The following FGD2 variants were observed in gnomAD, a reference collection of about 807,000 sequenced individuals.
FGD2 encodes the protein FYVE, RhoGEF and PH domain containing 2.
Under a neutral mutation model 75.9 loss-of-function variants are expected in FGD2, and 52 were observed. That is an observed-to-expected ratio of 0.69 (90% confidence interval 0.55 to 0.86). FGD2 has a LOEUF of 0.86. FGD2 is among the 40% of genes least tolerant of loss of function. The pLI is 0.00. For missense variants in FGD2, 790 were observed against 872.0 expected (o/e 0.91, Z 1.18); for synonymous variants, 347 against 348.6 (o/e 1.00, Z 0.05).
Position 37,025,874 on chromosome 6 carries a change from A to G in FGD2, c.1541A>G (p.Tyr514Cys), listed in dbSNP as rs751195612. Residue 514 changes from tyrosine to cysteine, a missense_variant, in exon 14 of 16, where the codon TAC becomes TGC. Tyr to Cys is a radical substitution (Grantham distance 194, BLOSUM62 -2). Transcript: ENST00000274963. ...NRPNRVCLHCYAFLTGNVLPE... is the reference protein window; with the variant it reads ...NRPNRVCLHCCAFLTGNVLPE... The stretch of plus-strand genomic sequence containing the variant: ...CCCAACCGAGTCTGCCTCCACTGCT[A>G]CGCATTCCTCACTGGAAATGTGCTG... The G allele has an allele frequency of 2.5e-6, 4 of 1,614,172 alleles. No homozygotes were observed. The highest frequency in any genetic ancestry group is 1.3e-5 in the African/African-American group (1 of 75,062).
intron 15 of FGD2, 66 bp downstream of exon 15, chr6:37,027,641 G>T: frequency 1.9e-6 from 3 of 1,584,994 alleles, no homozygotes; most frequent in Non-Finnish European, 2.6e-6. Flanking sequence ...TGTGAAGGGG[G>T]TCAGGGGTGA....
chr6:37,025,368 C>A (rs896201811), intron 13 of FGD2: 1 of 196,584 alleles, frequency 5.1e-6, no homozygotes, highest in Non-Finnish European at 1.1e-5. Flanking sequence ...AGGACAAAAG[C>A]TGGGCCCTGC....
rs386406733 is a variant in FGD2, at chr6:37,028,615, C to CTTTTTT, written c.*464_*469dup. 8.9e-3 allele frequency: 699 copies of CTTTTTT among 78,942 alleles called. 101 individuals carry two copies. Among genetic ancestry groups the CTTTTTT allele is most frequent in the African/African-American group, 0.015 (268 of 18,104 alleles). The allele number at this position is 78,942 out of a possible 1,614,324, so 4.9% of individuals were successfully genotyped here. On this transcript the variant is annotated 3_prime_UTR_variant, in exon 16 of 16. Coordinates refer to ENST00000274963, the MANE Select transcript of FGD2 (RefSeq NM_173558.4). ...GGCTGAGTTGGGGGAGGCATGGGGT[C>CTTTTTT]TTTTTTTTTTTTTTTTTGAGACAGA...
intron 13 of FGD2, chr6:37,024,705 G>T (rs1238947758): frequency 1.3e-5 from 2 of 152,118 alleles, no homozygotes; most frequent in African/African-American, 2.4e-5. Flanking sequence ...AAAAAAAAAT[G>T]CTCCTGAGGT....
chr6:37,010,175 C>T (rs558619262), intron 2 of FGD2: 1 of 152,266 alleles, frequency 6.6e-6, no homozygotes, highest in South Asian at 2.1e-4. Flanking sequence ...CAGACTTCAA[C>T]ACCAGACATT....
At chr6:37,016,910 C>T (rs1182315266) in intron 9 of FGD2, among the ~76,000 whole-genome samples, 1 of 152,074 alleles carries the variant, frequency 6.6e-6, no homozygotes, top group Non-Finnish European at 1.5e-5. Context: ...TAAAGTCAAA[C>T]AATATAAAAA....
At chr6:37,017,147 T>C (rs1263203523) in intron 9 of FGD2, among the ~76,000 whole-genome samples, 1 of 152,062 alleles carries the variant, frequency 6.6e-6, no homozygotes, top group Non-Finnish European at 1.5e-5. Flanking sequence ...GACTGAGGTG[T>C]CCCTGTACTT....
Position 37,028,578 on chromosome 6 carries a change from C to A in FGD2, c.*415C>A, listed in dbSNP as rs73409488. On this transcript the variant is annotated 3_prime_UTR_variant, in exon 16 of 16. Transcript: ENST00000274963. ...CAATGCCTGTACTGAAGTACCACCA[C>A]CGATTTAAATGGGCTGAGTTGGGGG... The A allele has an allele frequency of 7.4e-3, 1,107 of 149,448 alleles. 21 individuals are homozygous for A. Among genetic ancestry groups the A allele is most frequent in the African/African-American group, 0.027 (1,044 of 39,240 alleles). The allele number at this position is 149,448 out of a possible 1,614,324, so 9.3% of individuals were successfully genotyped here. A position where few individuals can be genotyped will look rare whatever the true frequency, so the allele number is the denominator to read the frequency against.
At chr6:37,008,736 G>A in intron 1 of FGD2, 98 bp from the exon 2 acceptor site, 1 of 1,208,720 alleles carries the variant, frequency 8.3e-7, no homozygotes, top group Non-Finnish European at 1.1e-6. Context: ...CCCTGCACTG[G>A]GGATTTGCAC....
At chr6:37,022,152 G>C (rs1765614441) in intron 12 of FGD2, 87 bp from the exon 13 acceptor site, 1 of 1,488,084 alleles carries the variant, frequency 6.7e-7, no homozygotes, top group Admixed American at 2.5e-5. Context: ...TGCTACAGCA[G>C]GTGGGCACAG....
chr6:37,026,084 CCCACAGACCCCAGGCCTCTCG>C, intron 14 of FGD2, 146 bp downstream of exon 14: 1 of 1,459,082 alleles, frequency 6.9e-7, no homozygotes, highest in Admixed American at 2.3e-5. Context: ...CCTCTCTCTG[CCCACAGACCCCAGGCCTCTCG>C]CCACAGCCCA....
intron 12 of FGD2, 182 bp downstream of exon 12, chr6:37,021,786 G>A (rs1009885538): frequency 4.2e-5 from 25 of 592,080 alleles, no homozygotes; most frequent in Non-Finnish European, 7.1e-5. Context: ...TTCCCCTTTA[G>A]CAAAACTTCC....
In FGD2 at chr6:37,025,812, C is replaced by T. The variant is rs368547974; in HGVS notation, c.1479C>T (p.Ser493=). The change falls in exon 14 of 16, where the codon TCC becomes TCT. Residue 493 remains serine (S), a synonymous_variant. Coordinates refer to ENST00000274963, the MANE Select transcript of FGD2 (RefSeq NM_173558.4). ...ACGYVVCARC[S]DYRAELKYDD... ...CTCAGGTGGTGTGTGCCAGGTGCTC[C>T]GACTACCGGGCCGAACTGAAATACG... 3.7e-6 allele frequency: 6 copies of T among 1,614,188 alleles called. No homozygotes were observed. The South Asian group carries it at 4.4e-5, about 12-fold the overall frequency.
intron 4 of FGD2, among the ~76,000 whole-genome samples, chr6:37,012,394 T>TTATATA (rs1765053568): frequency 6.6e-6 from 1 of 152,118 alleles, no homozygotes; most frequent in South Asian, 2.1e-4. Context: ...CTTAAAACAT[T>TTATATA]TATAATAAAC....
Position 37,014,937 on chromosome 6 carries a change from G to C in FGD2, c.928G>C (p.Glu310Gln). The C allele has an allele frequency of 1.2e-6, 2 of 1,614,114 alleles. No homozygotes were observed. The highest frequency in any genetic ancestry group is 1.1e-5 in the South Asian group (1 of 91,084). Reference sequence around the variant, plus strand: ...GGAGGTGTACCAGCGCCTGGGCCTCGAGGACGACATAGTAGACCCCTCTAA... The same window carrying C: ...GGAGGTGTACCAGCGCCTGGGCCTCCAGGACGACATAGTAGACCCCTCTAA... The part of the protein sequence containing the change: ...LWEVYQRLGL[E>Q]DDIVDPSNTL... The change falls in exon 8 of 16, where the codon GAG (glutamate) becomes CAG (glutamine). Residue 310 changes from glutamate to glutamine, a missense_variant. Glu to Gln is a conservative substitution (Grantham distance 29). Transcript: ENST00000274963.
chr6:37,025,713 C>T lies in FGD2; in HGVS notation c.1459-79C>T, dbSNP rs1765786055. On this transcript the variant is annotated intron_variant, in intron 13 of 15. Transcript: ENST00000274963. Reference sequence around the variant, plus strand: ...CCCAGTCCCTGGTTGCTCTCATGCCCCCACCTGCCCACCAAGGCAGGAGCC... The same window carrying T: ...CCCAGTCCCTGGTTGCTCTCATGCCTCCACCTGCCCACCAAGGCAGGAGCC... The T allele has an allele frequency of 1.9e-6, 3 of 1,546,754 alleles. No individual in the cohort carries two copies. In the Admixed American group the frequency reaches 5.1e-5, roughly 26 times the overall value.
intron 9 of FGD2, among the ~76,000 whole-genome samples, chr6:37,019,716 C>A (rs149043087): frequency 6.6e-6 from 1 of 152,160 alleles, no homozygotes; most frequent in Non-Finnish European, 1.5e-5. Flanking sequence ...CCTTCTTTTG[C>A]CCCTTAGGTG....
intron 13 of FGD2, chr6:37,024,960 G>C (rs1193023778): frequency 6.6e-6 from 1 of 152,420 alleles, no homozygotes; most frequent in Non-Finnish European, 1.5e-5. Context: ...GGTGCCGCCT[G>C]ATGAACTACA....
At chr6:37,026,019 G>T in intron 14 of FGD2, 81 bp downstream of exon 14, 2 of 1,549,714 alleles carry the variant, frequency 1.3e-6, no homozygotes, top group East Asian at 2.3e-5. Context: ...GGCTGACACT[G>T]TCCAGTGCTG....
Sources: gnomAD v4.1 joint callset for allele counts (sites outside exome capture counted in the v4.1 genomes callset) on GRCh38, gnomAD v4.1.1 for gene constraint, MANE v1.5 for transcripts, NCBI Gene and HGNC (gene_info 2026-07-23, HGNC 2026-07-21) for gene names.